Variants in IGSF10 observed in about 807,000 individuals in gnomAD.
IGSF10 encodes the protein immunoglobulin superfamily member 10.
In IGSF10, 126 loss-of-function variants were observed where a neutral mutation model predicts 128.2. The ratio of observed to expected loss-of-function variants is 0.98; its 90% CI spans 0.85 to 1.14. IGSF10 has a LOEUF of 1.14. IGSF10 is among the 50% of genes most tolerant of loss of function. IGSF10 has a pLI of 0.00. For missense variants in IGSF10, 3,295 were observed against 3,149.8 expected, an observed-to-expected ratio of 1.05 and a Z score of -1.10; for synonymous variants, 1,185 against 1,146.2, an observed-to-expected ratio of 1.03 and a Z score of -0.68.
At position 151,448,562 on chromosome 3, in the gene IGSF10, A is replaced by C; in HGVS notation, c.1419T>G (p.Thr473=). 1 of 1,614,214 alleles carries C rather than the reference A, an allele frequency of 6.2e-7. No homozygotes were observed. The highest frequency in any genetic ancestry group is 8.5e-7 in the Non-Finnish European group (1 of 1,180,036). ...TAGTATTGTTATCCCTTGAAATCAT[A>C]GTCCATTTGTGTTTCACTGGCCTCA... is the stretch of plus-strand genomic sequence containing the variant. The part of the protein sequence containing the change: ...AEMRPVKHKW[T]MISRDNNTKL... The change falls in exon 6 of 8, where the codon ACT becomes ACG. Residue 473 remains threonine (T), a synonymous_variant. Coordinates refer to ENST00000282466, the MANE Select transcript of IGSF10 (RefSeq NM_178822.5).
In IGSF10 at chr3:151,451,643, A is replaced by G. The variant is rs145449515; in HGVS notation, c.715+1741T>C. 7.1e-3 allele frequency among the ~76,000 whole-genome samples: 1,088 copies of G among 152,342 alleles called. 9 individuals are homozygous for G. Among genetic ancestry groups the G allele is most frequent in the African/African-American group, 0.024 (1,007 of 41,570 alleles). On this transcript the variant is annotated intron_variant, in intron 5 of 7. Coordinates refer to ENST00000282466, the MANE Select transcript of IGSF10 (RefSeq NM_178822.5). The stretch of plus-strand genomic sequence containing the variant: ...AACAACTGACAAATTGGCAATCAAT[A>G]TAGCTATCACAGCTTGTATACCTAT...
the IGSF10 span, among the ~76,000 whole-genome samples, chr3:151,520,910 A>G: frequency 6.6e-6 from 1 of 151,612 alleles, no homozygotes; most frequent in Non-Finnish European, 1.5e-5. Flanking sequence ...AAATGGCTAA[A>G]TGCCCCACTT....
At chr3:151,490,991 G>A in the IGSF10 span, among the ~76,000 whole-genome samples, 536 of 151,814 alleles carry the variant, frequency 3.5e-3, 6 homozygotes, top group African/African-American at 0.011. Flanking sequence ...CAAAATTAGC[G>A]GAAGGAAGGA....
chr3:151,457,530 G>A (rs1163027928), intron 3 of IGSF10, among the ~76,000 whole-genome samples: 3 of 152,150 alleles, frequency 2.0e-5, no homozygotes, highest in Non-Finnish European at 4.4e-5. Flanking sequence ...TCCCCCAGGT[G>A]GAATTCGTCA....
the IGSF10 span, among the ~76,000 whole-genome samples, chr3:151,564,893 TA>T: frequency 6.6e-6 from 1 of 152,182 alleles, no homozygotes; most frequent in South Asian, 2.1e-4. Flanking sequence ...TGGTAATGGT[TA>T]AATGTTCATT....
intron 5 of IGSF10, among the ~76,000 whole-genome samples, chr3:151,452,145 A>T (rs1721539170): frequency 6.6e-6 from 1 of 152,248 alleles, no homozygotes; most frequent in Admixed American, 6.5e-5. Context: ...TCAAAAGGAT[A>T]ACACTTGATT....
chr3:151,539,113 C>G, the IGSF10 span, among the ~76,000 whole-genome samples: 1 of 152,132 alleles, frequency 6.6e-6, no homozygotes, highest in South Asian at 2.1e-4. Flanking sequence ...TTTGGTAAGG[C>G]TAGACCTGCA....
chr3:151,508,080 T>C, the IGSF10 span, among the ~76,000 whole-genome samples: 3 of 152,260 alleles, frequency 2.0e-5, no homozygotes, highest in East Asian at 5.8e-4. Flanking sequence ...CTACTAAGCA[T>C]TAAAAACTAC....
the IGSF10 span, among the ~76,000 whole-genome samples, chr3:151,499,089 C>G: frequency 4.0e-4 from 61 of 152,208 alleles, no homozygotes; most frequent in Middle Eastern, 6.8e-3. Context: ...TTTTCCTGCA[C>G]ATCTGCAGAT....
chr3:151,553,782 A>G, the IGSF10 span, among the ~76,000 whole-genome samples: 1 of 151,836 alleles, frequency 6.6e-6, no homozygotes, highest in South Asian at 2.1e-4. Context: ...GTCAAACCCT[A>G]TGTTGAAAAA....
rs1003059688 is a variant in IGSF10 at position 151,458,665 on chromosome 3, A to G, written c.45T>C (p.Phe15=). The G allele has an allele frequency of 4.3e-6, 7 of 1,613,986 alleles. No individual in the cohort carries two copies. Among genetic ancestry groups the G allele is most frequent in the Admixed American group, 1.7e-5 (1 of 59,974 alleles). The change falls in exon 3 of 8, where the codon TTT becomes TTC. Residue 15 remains phenylalanine, a synonymous_variant. Coordinates refer to ENST00000282466, the MANE Select transcript of IGSF10 (RefSeq NM_178822.5). The part of the protein sequence containing the change: ...GRGITCLLVS[F]AVICLVATPG... Reference sequence around the variant, plus strand: ...GGGTGGCGACCAGGCAGATCACAGCAAAGGAGACCAGCAAGCAGGTGATTC... The same window carrying G: ...GGGTGGCGACCAGGCAGATCACAGCGAAGGAGACCAGCAAGCAGGTGATTC...
At chr3:151,605,266 A>AG in the IGSF10 span, among the ~76,000 whole-genome samples, 2 of 58,132 alleles carry the variant, frequency 3.4e-5, no homozygotes, top group Admixed American at 3.7e-4. Context: ...GGTTACAAAT[A>AG]AATTTAATGT....
chr3:151,513,300 G>T, the IGSF10 span, among the ~76,000 whole-genome samples: 1 of 151,786 alleles, frequency 6.6e-6, no homozygotes, highest in South Asian at 2.1e-4. Flanking sequence ...GGGATGCAAG[G>T]CTGGTTCAAC....
the IGSF10 span, among the ~76,000 whole-genome samples, chr3:151,535,427 GA>G: frequency 6.6e-6 from 1 of 152,124 alleles, no homozygotes; most frequent in East Asian, 1.9e-4. Flanking sequence ...TGGACATGAA[GA>G]TGGCAAAAAT....
intron 7 of IGSF10, among the ~76,000 whole-genome samples, chr3:151,442,547 A>ATTTTTT (rs3975406): frequency 0.2 from 24,847 of 125,154 alleles, 3,099 homozygotes; most frequent in Middle Eastern, 0.25. Flanking sequence ...TGCCCGGCTA[A>ATTTTTT]TTTTTTTTTT....
rs144598896 is a variant in IGSF10 at position 151,446,972 on chromosome 3, G to A, written c.3009C>T (p.Asn1003=). 6.4e-5 allele frequency: 103 copies of A among 1,614,250 alleles called. No homozygotes were observed. In the African/African-American group the frequency reaches 1.2e-3, roughly 19 times the overall value. Residue 1003 remains asparagine (N), a synonymous_variant, in exon 6 of 8, where the codon AAC becomes AAT. Transcript: ENST00000282466. ...QFPIPRNSTV[N]IPLFRRFGRQ... is the part of the protein sequence containing the mutation. ...TCCCAAAGCGTCTGAACAGCGGGAT[G>A]TTAACTGTACTATTTCTAGGGATCG... is the stretch of plus-strand genomic sequence containing the variant.
chr3:151,448,820 T>C lies in IGSF10; in HGVS notation c.1161A>G (p.Ile387Met), dbSNP rs1318835083. 5.6e-6 allele frequency: 9 copies of C among 1,613,402 alleles called. No individual in the cohort carries two copies. Among genetic ancestry groups the C allele is most frequent in the Non-Finnish European group, 7.6e-6 (9 of 1,179,428 alleles). ...CACTAAGCAAGTGGCTCCTTTCTAG[T>C]ATCAGAGGAGAATCACTGTACAAAG... The part of the protein sequence containing the change: ...ILALYSDSPL[I>M]LERSHLLSET... The change falls in exon 6 of 8, where the codon ATA (isoleucine) becomes ATG (methionine). Residue 387 changes from isoleucine (I) to methionine (M), a missense_variant. Ile to Met is a conservative substitution (Grantham distance 10). Transcript: ENST00000282466.
the IGSF10 span, among the ~76,000 whole-genome samples, chr3:151,562,823 T>C: frequency 1.2e-4 from 19 of 152,064 alleles, no homozygotes; most frequent in African/African-American, 3.4e-4. Flanking sequence ...AGATATAGAC[T>C]TTATCAAGGA....
downstream of IGSF10, chr3:151,432,656 C>A: frequency 1.1e-6 from 1 of 877,936 alleles, no homozygotes; most frequent in South Asian, 1.5e-5. Context: ...TTCCCTGTAC[C>A]TGCAGCTGGT....
Sources: allele counts gnomAD v4.1 joint callset (sites outside exome capture counted in the v4.1 genomes callset), GRCh38; gene constraint gnomAD v4.1.1; transcripts MANE v1.5; gene names NCBI Gene and HGNC (gene_info 2026-07-23, HGNC 2026-07-21).